The following IGF1R variants were observed in gnomAD, a reference collection of about 807,000 sequenced individuals.
The protein encoded by IGF1R is insulin-like growth factor 1 receptor.
A neutral mutation model predicts 144.6 loss-of-function variants in IGF1R; 44 were observed. The observed-to-expected ratio is 0.30, with a 90% CI of 0.24 to 0.39. IGF1R has a LOEUF of 0.39. IGF1R is among the 10% of genes least tolerant of loss of function. The probability of loss-of-function intolerance (pLI) is 1.00; values close to 1 mark genes in which losing one functional copy is unlikely to be tolerated. For missense variants in IGF1R, 1,355 were observed against 1,833.7 expected (o/e 0.74, Z 4.77); for synonymous variants, 795 against 722.8 (o/e 1.10, Z -1.60).
intron 20 of IGF1R, among the ~76,000 whole-genome samples, chr15:98,951,937 T>A (rs1231980470): frequency 6.6e-6 from 1 of 152,230 alleles, no homozygotes; most frequent in East Asian, 1.9e-4. Context: ...ACAGCTTTAT[T>A]TTTAATACTG....
chr15:98,798,048 C>T (rs755479910), intron 2 of IGF1R, among the ~76,000 whole-genome samples: 2 of 152,164 alleles, frequency 1.3e-5, no homozygotes, highest in African/African-American at 2.4e-5. Context: ...ATCGATTATT[C>T]GCTCCACAAA....
chr15:98,701,844 T>A (rs1331642593), intron 1 of IGF1R, among the ~76,000 whole-genome samples: 2 of 152,202 alleles, frequency 1.3e-5, no homozygotes, highest in Admixed American at 1.3e-4. Flanking sequence ...GTTTACTTAA[T>A]AACAGCTGCT....
intron 1 of IGF1R, among the ~76,000 whole-genome samples, chr15:98,678,919 CTCTT>C (rs773203091): frequency 3.8e-5 from 3 of 78,380 alleles, no homozygotes; most frequent in Non-Finnish European, 7.6e-5. Flanking sequence ...TCCTCTGATG[CTCTT>C]TTTTTTTTTT....
At chr15:98,742,930 G>C (rs192193661) in intron 2 of IGF1R, among the ~76,000 whole-genome samples, 17 of 152,088 alleles carry the variant, frequency 1.1e-4, no homozygotes, top group South Asian at 2.1e-4. Context: ...CCAGCTTCTC[G>C]GGAGGCTGAG....
At position 98,942,982 on chromosome 15, in the gene IGF1R, C is replaced by T. The variant is rs756642720; in HGVS notation, c.3517C>T (p.Leu1173=). ...CTATTACCGGAAAGGAGGGAAAGGG[C>T]TGCTGCCCGTGCGCTGGATGTCTCC... ...TDYYRKGGKG[L]LPVRWMSPES... is the part of the protein sequence containing the mutation. Residue 1173 remains leucine (L), a synonymous_variant, in exon 19 of 21, where the codon CTG becomes TTG. Coordinates refer to ENST00000650285, the MANE Select transcript of IGF1R (RefSeq NM_000875.5). The T allele has an allele frequency of 3.1e-6, 5 of 1,614,110 alleles. No individual in the cohort carries two copies. The South Asian group carries it at 5.5e-5, about 18-fold the overall frequency.
chr15:98,842,176 G>A (rs2141533457), intron 2 of IGF1R, among the ~76,000 whole-genome samples: 1 of 152,290 alleles, frequency 6.6e-6, no homozygotes. Context: ...GCACTTTCTT[G>A]GCAAGCCACA....
chr15:98,660,534 C>T (rs1368149088), intron 1 of IGF1R: 3 of 152,224 alleles, frequency 2.0e-5, no homozygotes, highest in East Asian at 1.9e-4. Flanking sequence ...AAGGGATACT[C>T]GCCATTCACT....
intron 1 of IGF1R, among the ~76,000 whole-genome samples, chr15:98,696,722 C>T (rs528604723): frequency 2.0e-5 from 3 of 152,250 alleles, no homozygotes; most frequent in East Asian, 3.9e-4. Flanking sequence ...TCATCTGGAG[C>T]AGAGTGGGAC....
chr15:98,789,548 T>C (rs1427074496), intron 2 of IGF1R, among the ~76,000 whole-genome samples: 1 of 152,218 alleles, frequency 6.6e-6, no homozygotes, highest in Admixed American at 6.5e-5. Flanking sequence ...TATTGCAACA[T>C]TGAAAATGTT....
intron 2 of IGF1R, among the ~76,000 whole-genome samples, chr15:98,777,695 G>T (rs1224836975): frequency 2.6e-5 from 4 of 152,232 alleles, no homozygotes; most frequent in African/African-American, 9.6e-5. Context: ...AGGGCAGCAA[G>T]TGCATCCTCA....
At chr15:98,720,023 G>C (rs1332996697) in intron 2 of IGF1R, among the ~76,000 whole-genome samples, 1 of 152,220 alleles carries the variant, frequency 6.6e-6, no homozygotes. Flanking sequence ...TTATGAGCTA[G>C]TTCAGATTCT....
intron 2 of IGF1R, among the ~76,000 whole-genome samples, chr15:98,762,910 G>A (rs1596280163): frequency 1.3e-5 from 2 of 152,054 alleles, no homozygotes; most frequent in East Asian, 1.9e-4. Context: ...GCTGGGTGTG[G>A]TGGCAGGTGC....
At chr15:98,826,139 G>A (rs2056891278) in intron 2 of IGF1R, among the ~76,000 whole-genome samples, 2 of 152,172 alleles carry the variant, frequency 1.3e-5, no homozygotes, top group Admixed American at 1.3e-4. Context: ...TGAAATCAGG[G>A]GGATTCCCAA....
At chr15:98,705,026 A>T (rs1276895411) in intron 1 of IGF1R, among the ~76,000 whole-genome samples, 1 of 109,690 alleles carries the variant, frequency 9.1e-6, no homozygotes, top group Non-Finnish European at 1.9e-5. Flanking sequence ...GAGTTGTTTG[A>T]CACCTCAATG....
At chr15:98,671,288 A>C (rs2052884688) in intron 1 of IGF1R, among the ~76,000 whole-genome samples, 1 of 152,208 alleles carries the variant, frequency 6.6e-6, no homozygotes, top group South Asian at 2.1e-4. Flanking sequence ...AATCAACTGC[A>C]GGGTGTTTGG....
At chr15:98,944,949 A>G (rs1281654304) in intron 19 of IGF1R, among the ~76,000 whole-genome samples, 2 of 152,228 alleles carry the variant, frequency 1.3e-5, no homozygotes, top group East Asian at 1.9e-4. Flanking sequence ...TCTTGATAAG[A>G]TAGGTCTAGG....
intron 2 of IGF1R, among the ~76,000 whole-genome samples, chr15:98,815,818 C>A (rs2056685127): frequency 6.6e-6 from 1 of 152,192 alleles, no homozygotes; most frequent in African/African-American, 2.4e-5. Flanking sequence ...GCAGCCTGTT[C>A]TGTAGTTGCC....
chr15:98,949,225 T>G (rs2016677572), intron 20 of IGF1R, among the ~76,000 whole-genome samples: 1 of 152,138 alleles, frequency 6.6e-6, no homozygotes, highest in South Asian at 2.1e-4. Context: ...CCCACATGTC[T>G]TCTCTGTTAA....
Position 98,871,784 on chromosome 15 carries a change from C to T in IGF1R, c.641-19541C>T, listed in dbSNP as rs576671025. Among the ~76,000 whole-genome samples, 10 of 152,332 alleles carry T rather than the reference C, an allele frequency of 6.6e-5. 1 individual carries two copies. Among genetic ancestry groups the T allele is most frequent in the South Asian group, 4.1e-4 (2 of 4,826 alleles). Reference sequence around the variant, plus strand: ...ACCCCATGATTCAGTTAGCTCCCGGCGGGTCCCTCCCACAACATGTGGGAA... The same window carrying T: ...ACCCCATGATTCAGTTAGCTCCCGGTGGGTCCCTCCCACAACATGTGGGAA... On this transcript the variant is annotated intron_variant, in intron 2 of 20. Coordinates refer to ENST00000650285, the MANE Select transcript of IGF1R (RefSeq NM_000875.5).
Sources: allele counts gnomAD v4.1 joint callset (sites outside exome capture counted in the v4.1 genomes callset), GRCh38; gene constraint gnomAD v4.1.1; transcripts MANE v1.5; gene names NCBI Gene and HGNC (gene_info 2026-07-23, HGNC 2026-07-21).